The following CEP128 variants were observed in gnomAD, a reference collection of about 807,000 sequenced individuals.
CEP128 encodes centrosomal protein 128kDa.
A neutral mutation model predicts 156.7 loss-of-function variants in CEP128; 132 were observed. That is an observed-to-expected ratio of 0.84 (90% CI 0.73 to 0.97). The LOEUF (loss-of-function observed/expected upper bound fraction) is 0.97, where lower values mean the gene tolerates loss of function less well. Ranked by LOEUF, CEP128 falls within the 50% of genes least tolerant of loss-of-function variation. The pLI is 0.00. For synonymous variants in CEP128, 469 were observed against 448.9 expected (o/e 1.04, Z -0.57); for missense variants, 1,252 against 1,281.9 (o/e 0.98, Z 0.36).
intron 19 of CEP128, among the ~76,000 whole-genome samples, chr14:80,719,223 C>A (rs951626711): frequency 6.6e-6 from 1 of 152,190 alleles, no homozygotes; most frequent in African/African-American, 2.4e-5. Context: ...TCTAAATAAC[C>A]TGCCCCTTAA....
intron 19 of CEP128, among the ~76,000 whole-genome samples, chr14:80,640,484 A>G (rs1894362417): frequency 2.0e-5 from 3 of 152,152 alleles, no homozygotes; most frequent in Admixed American, 2.0e-4. Context: ...ATTGCTTCCT[A>G]ACTTGACCTG....
At chr14:80,821,567 G>C (rs954433048) in intron 13 of CEP128, among the ~76,000 whole-genome samples, 6 of 147,132 alleles carry the variant, frequency 4.1e-5, no homozygotes, top group African/African-American at 1.5e-4. Flanking sequence ...ATTTTCTGAG[G>C]AACTGAAGTT....
chr14:80,550,605 T>C (rs1310248312), intron 21 of CEP128, among the ~76,000 whole-genome samples: 1 of 151,968 alleles, frequency 6.6e-6, no homozygotes, highest in South Asian at 2.1e-4. Flanking sequence ...ATATAAAATA[T>C]ATTTATGTTC....
chr14:80,583,232 A>C (rs1267247435), intron 19 of CEP128, among the ~76,000 whole-genome samples: 4 of 152,224 alleles, frequency 2.6e-5, no homozygotes, highest in Non-Finnish European at 5.9e-5. Flanking sequence ...GAATAAAAAC[A>C]ACCGAAGAAT....
chr14:80,895,274 G>T (rs1235081544), intron 8 of CEP128, among the ~76,000 whole-genome samples: 1 of 152,034 alleles, frequency 6.6e-6, no homozygotes, highest in Non-Finnish European at 1.5e-5. Flanking sequence ...CAGCAAAGAG[G>T]TCTTTGTAGC....
intron 8 of CEP128, among the ~76,000 whole-genome samples, chr14:80,878,326 T>C (rs1329749225): frequency 6.6e-6 from 1 of 152,086 alleles, no homozygotes; most frequent in Non-Finnish European, 1.5e-5. Context: ...TACCTGAAAC[T>C]AGATTAGCCC....
At chr14:80,948,932 C>T (rs879266013) in intron 2 of CEP128, among the ~76,000 whole-genome samples, 4 of 152,194 alleles carry the variant, frequency 2.6e-5, no homozygotes, top group Admixed American at 2.6e-4. Flanking sequence ...ATTTGCTGAA[C>T]TGAAACTGTA....
At chr14:80,714,665 T>C (rs145924832) in intron 19 of CEP128, among the ~76,000 whole-genome samples, 1,864 of 151,736 alleles carry the variant, frequency 0.012, 135 homozygotes, top group Admixed American at 0.1. Context: ...ACGGCAGCTA[T>C]ATCATTTCAA....
chr14:80,613,108 G>C (rs145995495), intron 19 of CEP128, among the ~76,000 whole-genome samples: 2 of 148,506 alleles, frequency 1.3e-5, no homozygotes, highest in African/African-American at 5.0e-5. Flanking sequence ...CGCCCACCTC[G>C]GCCTCCCAAA....
intron 18 of CEP128, among the ~76,000 whole-genome samples, chr14:80,744,740 A>G (rs1640701760): frequency 6.6e-6 from 1 of 152,172 alleles, no homozygotes; most frequent in African/African-American, 2.4e-5. Flanking sequence ...GCAGATCACC[A>G]GGATTTTTCA....
At chr14:80,938,011 C>G (rs896744845) in intron 2 of CEP128, among the ~76,000 whole-genome samples, 5 of 151,966 alleles carry the variant, frequency 3.3e-5, no homozygotes, top group Non-Finnish European at 7.4e-5. Flanking sequence ...ATCATTCCAC[C>G]TCAGCCTCCC....
At chr14:80,837,462 TAATCCCAGCACTTTGGGAG>T (rs1243269695) in intron 11 of CEP128, among the ~76,000 whole-genome samples, 1 of 152,170 alleles carries the variant, frequency 6.6e-6, no homozygotes, top group Non-Finnish European at 1.5e-5. Context: ...CTCACACCTA[TAATCCCAGCACTTTGGGAG>T]GCCGAGGTGG....
At position 80,904,831 on chromosome 14, in the gene CEP128, C is replaced by T. The variant is rs752251705; in HGVS notation, c.462G>A (p.Glu154=). 7.6e-6 allele frequency: 12 copies of T among 1,589,110 alleles called. No homozygotes were observed. The highest frequency in any genetic ancestry group is 9.5e-6 in the Non-Finnish European group (11 of 1,157,372). ...AAAGTACCTGAGTCATATCATCAGT[C>T]TCTTGAACAAACCGGACACCAGTTC... ...RSRTGVRFVQ[E]TDDMTQLHGF... Residue 154 remains glutamate (E), a synonymous_variant, in exon 6 of 25, where the codon GAG becomes GAA. Coordinates refer to ENST00000555265, the MANE Select transcript of CEP128 (RefSeq NM_152446.5).
rs1192886217 is a variant in CEP128 at position 80,742,116 on chromosome 14, C to T, written c.2806+959G>A. Among the ~76,000 whole-genome samples, 9 of 152,278 alleles carry T rather than the reference C, an allele frequency of 5.9e-5. No homozygotes were observed. The East Asian group carries it at 1.5e-3, about 26-fold the overall frequency. ...TGGTAGCAGATTAAAGTGTTCATTA[C>T]GTCCAAATCCACCAGGCAGTACTGT... On this transcript the variant is annotated intron_variant, in intron 19 of 24. Transcript: ENST00000555265.
rs778053945 is a variant in CEP128, at chr14:80,785,068, C to A, written c.2038G>T (p.Ala680Ser). 4 of 1,614,210 alleles carry A rather than the reference C, an allele frequency of 2.5e-6. No individual in the cohort carries two copies. Among genetic ancestry groups the A allele is most frequent in the Non-Finnish European group, 3.4e-6 (4 of 1,180,016 alleles). ...AQAKSRDEET[A>S]TIITQLKLER... ...AGCTTTAACTGTGTGATGATTGTAGCTGTTTCTTCATCCCTGGATTTTGCC... is the reference window on the plus strand; with the variant it reads ...AGCTTTAACTGTGTGATGATTGTAGATGTTTCTTCATCCCTGGATTTTGCC... Residue 680 changes from alanine to serine, a missense_variant, in exon 15 of 25, where the codon GCT becomes TCT. Physicochemically the swap from Ala to Ser is moderately conservative, Grantham distance 99. Transcript: ENST00000555265.
intron 19 of CEP128, among the ~76,000 whole-genome samples, chr14:80,718,455 C>T (rs1396178741): frequency 6.6e-6 from 1 of 152,142 alleles, no homozygotes; most frequent in Non-Finnish European, 1.5e-5. Context: ...TTAAATCATA[C>T]AGTCTACAAG....
chr14:80,941,925 T>TG (rs1886183114), upstream of CEP128: 1 of 151,012 alleles, frequency 6.6e-6, no homozygotes. Context: ...CCTGATCCCT[T>TG]GGCCGCGCCC....
At chr14:80,754,942 G>C (rs1176096935) in intron 18 of CEP128, among the ~76,000 whole-genome samples, 1 of 152,166 alleles carries the variant, frequency 6.6e-6, no homozygotes, top group Non-Finnish European at 1.5e-5. Flanking sequence ...ACCATGTGAT[G>C]GTTAACACTG....
At chr14:80,512,736 A>T (rs1411333419) in intron 23 of CEP128, among the ~76,000 whole-genome samples, 1 of 151,812 alleles carries the variant, frequency 6.6e-6, no homozygotes, top group Non-Finnish European at 1.5e-5. Flanking sequence ...TTGTGTATCC[A>T]TTGTAGGTTT....
Sources: allele counts gnomAD v4.1 joint callset (sites outside exome capture counted in the v4.1 genomes callset), GRCh38; gene constraint gnomAD v4.1.1; transcripts MANE v1.5; gene names NCBI Gene and HGNC (gene_info 2026-07-23, HGNC 2026-07-21).